PIEZO2: variants seen among roughly 807,000 people sequenced by gnomAD.
PIEZO2 encodes the protein piezo-type mechanosensitive ion channel component 2.
A neutral mutation model predicts 337.3 loss-of-function variants in PIEZO2; 172 were observed. The observed-to-expected ratio is 0.51, with a 90% CI of 0.45 to 0.58. The LOEUF (loss-of-function observed/expected upper bound fraction) is 0.58. PIEZO2 is among the 20% of genes least tolerant of loss of function. The probability of loss-of-function intolerance (pLI) is 0.00; values close to 1 mark genes in which losing one functional copy is unlikely to be tolerated. For synonymous variants in PIEZO2, 1,251 were observed against 1,228.5 expected (o/e 1.02, Z -0.38); for missense variants, 3,028 against 3,391.3 (o/e 0.89, Z 2.66).
chr18:10,938,216 T>A (rs745975025), intron 3 of PIEZO2, among the ~76,000 whole-genome samples: 1 of 152,176 alleles, frequency 6.6e-6, no homozygotes, highest in Non-Finnish European at 1.5e-5. Context: ...AGGCCATTGG[T>A]CTTAGACCTC....
At chr18:10,915,363 A>G (rs1056291337) in intron 3 of PIEZO2, among the ~76,000 whole-genome samples, 2 of 148,616 alleles carry the variant, frequency 1.3e-5, no homozygotes, top group African/African-American at 2.5e-5. Flanking sequence ...TACAGGGAAG[A>G]AAAAATAACC....
rs2143703838 is a variant in PIEZO2, at chr18:10,746,524, AC to A, written c.4424+1946del. 6.6e-6 allele frequency among the ~76,000 whole-genome samples: 1 copy of A among 152,160 alleles called. No individual in the cohort carries two copies. Among genetic ancestry groups the A allele is most frequent in the African/African-American group, 2.4e-5 (1 of 41,502 alleles). On this transcript the variant is annotated intron_variant, in intron 30 of 55. Transcript: ENST00000674853. The surrounding 1 kb of genome is among the most constrained non-coding windows in gnomAD (Gnocchi z 4.2). ...CAGCTGGTTATATTCCCTTGATGTG[AC>A]CTCATGGCTCCCGGAGTGTCTCCTA... is the stretch of plus-strand genomic sequence containing the variant.
In PIEZO2 at chr18:10,726,549, C is replaced by G. The variant is rs1365751692; in HGVS notation, c.5029+4858G>C. ...GCGCTGCTCTGCTCTGCTACACCAG[C>G]CGCCACGCTGTGCGTCTGTCCTTCC... On this transcript the variant is annotated intron_variant, in intron 36 of 55. Coordinates refer to ENST00000674853, the MANE Select transcript of PIEZO2 (RefSeq NM_001378183.1). The surrounding 1 kb of genome is among the most constrained non-coding windows in gnomAD (Gnocchi z 5.9). The G allele has an allele frequency of 3.5e-6, 5 of 1,417,178 alleles. No individual in the cohort carries two copies. The highest frequency in any genetic ancestry group is 4.7e-6 in the Non-Finnish European group (5 of 1,069,910). The allele number at this position is 1,417,178 out of a possible 1,614,324, so 87.8% of individuals were successfully genotyped here.
chr18:10,957,763 T>C (rs1049037411), intron 3 of PIEZO2, among the ~76,000 whole-genome samples: 5 of 152,266 alleles, frequency 3.3e-5, no homozygotes, highest in Admixed American at 2.0e-4. Flanking sequence ...TTGCAAATCA[T>C]ACATCTGAAA....
intron 30 of PIEZO2, 51 bp from the exon 31 acceptor site, chr18:10,744,282 TC>T: frequency 8.5e-7 from 1 of 1,177,400 alleles, no homozygotes; most frequent in Non-Finnish European, 1.2e-6. Context: ...CCATTGTTGT[TC>T]CCCTTTTCCT....
At position 10,940,129 on chromosome 18, in the gene PIEZO2, C is replaced by T. The variant is rs953403154; in HGVS notation, c.287-28901G>A. ...CCAGCCTTTCCTACAAAAAAACACA[C>T]TTCAGAGGAGGCTTTGGCCATCTTT... is the stretch of plus-strand genomic sequence containing the variant. On this transcript the variant is annotated intron_variant, in intron 3 of 55. Transcript: ENST00000674853. The surrounding 1 kb of genome is among the most constrained non-coding windows in gnomAD (Gnocchi z 5.3). Among the ~76,000 whole-genome samples the T allele has an allele frequency of 5.3e-5, 8 of 152,146 alleles. No individual in the cohort carries two copies. The highest frequency in any genetic ancestry group is 1.2e-4 in the Non-Finnish European group (8 of 68,026).
Position 10,791,286 on chromosome 18 carries a change from C to G in PIEZO2, c.1797G>C (p.Gln599His), listed in dbSNP as rs1481600968. The G allele has an allele frequency of 6.5e-7, 1 of 1,531,862 alleles. No homozygotes were observed. 94.9% of individuals were successfully genotyped at this position (1,531,862 alleles called of 1,614,324 possible). A position where few individuals can be genotyped will look rare whatever the true frequency, so the allele number is the denominator to read the frequency against. ...FTITFWLLLRQHLTEQKALQE... is the reference protein window; with the variant it reads ...FTITFWLLLRHHLTEQKALQE... Reference sequence around the variant, plus strand: ...GCAGAGCTTTTTGCTCTGTGAGGTGCTGCCTCAGCAGTAGCCAAAAAGTAA... The same window carrying G: ...GCAGAGCTTTTTGCTCTGTGAGGTGGTGCCTCAGCAGTAGCCAAAAAGTAA... The change falls in exon 14 of 56, where the codon CAG becomes CAC. Residue 599 changes from glutamine (Q) to histidine (H), a missense_variant. Gln to His is a conservative substitution (Grantham distance 24). Around this residue, in one of 5 missense-constraint regions of PIEZO2, gnomAD observed 1,925 missense variants for 2,051.9 expected, o/e 0.94. Transcript: ENST00000674853.
In PIEZO2 at chr18:10,993,208, C is replaced by T. The variant is rs562015760; in HGVS notation, c.161-13548G>A. ...GACTTCCTCTTTTCCTATTTGAATA[C>T]GCTTTATTTCCTTCTCTTGCCTGAT... On this transcript the variant is annotated intron_variant, in intron 2 of 55. Transcript: ENST00000674853. This position sits in a 1 kb window ranked among gnomAD's most constrained non-coding sequence, Gnocchi z 5.0. Among the ~76,000 whole-genome samples the T allele has an allele frequency of 3.3e-5, 5 of 152,234 alleles. No homozygotes were observed. Among genetic ancestry groups the T allele is most frequent in the African/African-American group, 4.8e-5 (2 of 41,542 alleles).
In PIEZO2 at chr18:10,766,769, G is replaced by C. The variant is rs542275578; in HGVS notation, c.2946+3379C>G. Among the ~76,000 whole-genome samples, 48 of 152,336 alleles carry C rather than the reference G, an allele frequency of 3.2e-4. No individual in the cohort carries two copies. The highest frequency in any genetic ancestry group is 1.1e-3 in the African/African-American group (47 of 41,566). ...TTATCACTTTTAGTTTTATTTGGCAGCCATTCCCATCAGGCTGTGAGCTCA... is the reference window on the plus strand; with the variant it reads ...TTATCACTTTTAGTTTTATTTGGCACCCATTCCCATCAGGCTGTGAGCTCA... On this transcript the variant is annotated intron_variant, in intron 21 of 55. Coordinates refer to ENST00000674853, the MANE Select transcript of PIEZO2 (RefSeq NM_001378183.1). This position sits in a 1 kb window ranked among gnomAD's most constrained non-coding sequence, Gnocchi z 6.1.
intron 3 of PIEZO2, among the ~76,000 whole-genome samples, chr18:10,963,316 G>T (rs930418887): frequency 8.6e-5 from 13 of 151,816 alleles, no homozygotes; most frequent in African/African-American, 3.1e-4. Flanking sequence ...TTCTTAGAAA[G>T]AATCAGTTTG....
At chr18:10,981,560 A>G (rs1481647349) in intron 2 of PIEZO2, among the ~76,000 whole-genome samples, 1 of 152,242 alleles carries the variant, frequency 6.6e-6, no homozygotes, top group Non-Finnish European at 1.5e-5. Context: ...GACTAAGAAT[A>G]GAAGAGAATC....
At chr18:10,791,000 G>A (rs1229651010) in intron 14 of PIEZO2, among the ~76,000 whole-genome samples, 3 of 152,168 alleles carry the variant, frequency 2.0e-5, no homozygotes, top group African/African-American at 7.2e-5. Flanking sequence ...CACGGCGCCC[G>A]GCCCAACTGG....
Position 10,973,194 on chromosome 18 carries a change from G to C in PIEZO2, c.286+6341C>G, listed in dbSNP as rs77457692. The stretch of plus-strand genomic sequence containing the variant: ...AATATCAACACGGCATTGGCCTAAG[G>C]GTTGTTCATACGGGTGGGTGTCATG... On this transcript the variant is annotated intron_variant, in intron 3 of 55. Transcript: ENST00000674853. The surrounding 1 kb of genome is among the most constrained non-coding windows in gnomAD (Gnocchi z 4.9). 0.017 allele frequency among the ~76,000 whole-genome samples: 2,554 copies of C among 152,304 alleles called. 78 individuals are homozygous for C. Among genetic ancestry groups the C allele is most frequent in the African/African-American group, 0.058 (2,403 of 41,564 alleles).
At chr18:10,944,064 C>T (rs1038671197) in intron 3 of PIEZO2, among the ~76,000 whole-genome samples, 1 of 152,088 alleles carries the variant, frequency 6.6e-6, no homozygotes, top group Non-Finnish European at 1.5e-5. Context: ...ATTGTCTAGT[C>T]TCAGGAATGT....
intron 2 of PIEZO2, among the ~76,000 whole-genome samples, chr18:10,992,828 C>T (rs1284761225): frequency 3.3e-5 from 5 of 152,158 alleles, no homozygotes; most frequent in Non-Finnish European, 5.9e-5. Flanking sequence ...GCAGTATGGA[C>T]ATTTTCATGA....
Position 10,982,230 on chromosome 18 carries a change from G to A in PIEZO2, c.161-2570C>T, listed in dbSNP as rs1464868446. On this transcript the variant is annotated intron_variant, in intron 2 of 55. Transcript: ENST00000674853. This position sits in a 1 kb window ranked among gnomAD's most constrained non-coding sequence, Gnocchi z 4.1. ...TTACTAGGTGTATTCGGGTTCTCTA[G>A]AGGGACAGGACTAATAAGATAGATG... Among the ~76,000 whole-genome samples the A allele has an allele frequency of 6.6e-6, 1 of 152,144 alleles. No homozygotes were observed. Among genetic ancestry groups the A allele is most frequent in the Non-Finnish European group, 1.5e-5 (1 of 68,026 alleles).
chr18:11,084,464 TC>T (rs1237671811), intron 1 of PIEZO2, among the ~76,000 whole-genome samples: 1 of 152,076 alleles, frequency 6.6e-6, no homozygotes, highest in East Asian at 1.9e-4. Flanking sequence ...GATCAAGTGA[TC>T]CCAGGAGGAG....
rs544591502 is a variant in PIEZO2 at position 10,807,267 on chromosome 18, C to A, written c.925G>T (p.Gly309Cys). The A allele has an allele frequency of 6.5e-7, 1 of 1,534,040 alleles. No homozygotes were observed. The highest frequency in any genetic ancestry group is 1.4e-5 in the African/African-American group (1 of 73,050). ...TCCGTTTGAATTACTGACTTGATAC[C>A]AAACAACCTGTTAAAAAACAAAGAA... ...PPNDYYARLF[G>C]IKSVIQTDCS... Residue 309 changes from glycine to cysteine, a missense_variant, in exon 8 of 56, where the codon GGT becomes TGT. Physicochemically the swap from Gly to Cys is radical, Grantham distance 159 (BLOSUM62 -3). Around this residue, in one of 5 missense-constraint regions of PIEZO2, gnomAD observed 542 missense variants for 605.6 expected, o/e 0.89. Transcript: ENST00000674853.
rs886039823 is a variant in PIEZO2 at position 10,715,678 on chromosome 18, C to T, written c.5228G>A (p.Arg1743Gln). 15 of 1,534,916 alleles carry T rather than the reference C, an allele frequency of 9.8e-6. No individual in the cohort carries two copies. Among genetic ancestry groups the T allele is most frequent in the Middle Eastern group, 3.3e-4 (2 of 6,008 alleles). ...CTTAATTTCTCTGGTCAGCATGCAT[C>T]GTTCAATTCTCAGAACTGTAGATAT... is the stretch of plus-strand genomic sequence containing the variant. ...IDISTVLRIE[R>Q]CMLTREIKKG... The change falls in exon 38 of 56, where the codon CGA (arginine) becomes CAA (glutamine). Residue 1743 changes from arginine to glutamine, a missense_variant. By Grantham distance (43) the Arg-to-Gln change is conservative. This residue lies in a region of PIEZO2 where 1,925 missense variants were observed against 2,051.9 expected (regional missense o/e 0.94). Coordinates refer to ENST00000674853, the MANE Select transcript of PIEZO2 (RefSeq NM_001378183.1).
Sources: gnomAD v4.1 joint callset for allele counts (sites outside exome capture counted in the v4.1 genomes callset) on GRCh38, gnomAD v4.1.1 for gene constraint, gnomAD v4.1.1 regional missense constraint, Gnocchi (gnomAD v3.1) non-coding constraint, MANE v1.5 for transcripts, NCBI Gene and HGNC (gene_info 2026-07-23, HGNC 2026-07-21) for gene names.